Variants in GPLD1 observed in about 807,000 individuals in gnomAD.
GPLD1 encodes the protein glycosylphosphatidylinositol specific phospholipase D1.
Under a neutral mutation model 112.6 loss-of-function variants are expected in GPLD1, and 84 were observed. The observed-to-expected ratio is 0.75, with a 90% CI of 0.63 to 0.89. The LOEUF (loss-of-function observed/expected upper bound fraction) is 0.89. Among genes scored for constraint, GPLD1 ranks in the 40% least tolerant of loss-of-function variants. GPLD1 has a pLI of 0.00. For synonymous variants in GPLD1, 386 were observed against 403.8 expected (o/e 0.96, Z 0.53); for missense variants, 1,044 against 1,051.5 (o/e 0.99, Z 0.10).
At chr6:24,468,619 T>C (rs762979800) in intron 7 of GPLD1, among the ~76,000 whole-genome samples, 1 of 151,756 alleles carries the variant, frequency 6.6e-6, no homozygotes, top group African/African-American at 2.4e-5. Flanking sequence ...AGTGGTGCGA[T>C]ATCGGTTCAC....
exon 1 of GPLD1, chr6:24,495,000 G>C: frequency 7.6e-7 from 1 of 1,319,178 alleles, no homozygotes; most frequent in Admixed American, 3.1e-5. Flanking sequence ...CCGGGCCATG[G>C]CGACCTGCAT....
Position 24,428,961 on chromosome 6 carries a change from A to G in GPLD1, c.*71T>C. ...CTCCACTGGATGTGCCACTTTGTCC[A>G]TCAAAATGCTCACCATGGATGTGAT... On this transcript the variant is annotated 3_prime_UTR_variant, in exon 25 of 25. Coordinates refer to ENST00000230036, the MANE Select transcript of GPLD1 (RefSeq NM_001503.4). The G allele has an allele frequency of 9.3e-7, 1 of 1,076,604 alleles. No homozygotes were observed. The highest frequency in any genetic ancestry group is 2.5e-5 in the East Asian group (1 of 40,346). The allele number at this position is 1,076,604 out of a possible 1,614,324, so 66.7% of individuals were successfully genotyped here. A position where few individuals can be genotyped will look rare whatever the true frequency, so the allele number is the denominator to read the frequency against.
rs1205385348 is a variant in GPLD1 at position 24,437,131 on chromosome 6, G to C, written c.2179C>G (p.Leu727Val). ...RFGGVLHLSD[L>V]DDDGLDEIIM... ...TTCTTACCTAAGCCATCATCATCCA[G>C]GTCACTCAAGTGCAGAACGCCACCA... The change falls in exon 21 of 25, where the codon CTG becomes GTG. Residue 727 changes from leucine to valine, a missense_variant. Coordinates refer to ENST00000230036, the MANE Select transcript of GPLD1 (RefSeq NM_001503.4). 6.2e-7 allele frequency: 1 copy of C among 1,614,020 alleles called. No individual in the cohort carries two copies. Among genetic ancestry groups the C allele is most frequent in the Admixed American group, 1.7e-5 (1 of 60,014 alleles).
chr6:24,479,673 G>A (rs1764137204), intron 3 of GPLD1, among the ~76,000 whole-genome samples: 1 of 152,154 alleles, frequency 6.6e-6, no homozygotes, highest in Non-Finnish European at 1.5e-5. Flanking sequence ...AACTAGGTCA[G>A]TTATAGCTAA....
chr6:24,487,251 C>T (rs1229256811), intron 1 of GPLD1, among the ~76,000 whole-genome samples: 1 of 123,758 alleles, frequency 8.1e-6, no homozygotes, highest in African/African-American at 3.3e-5. Flanking sequence ...ATAATGCTGA[C>T]CTTCCACTCA....
intron 24 of GPLD1, among the ~76,000 whole-genome samples, chr6:24,431,243 C>G (rs1762395676): frequency 6.6e-6 from 1 of 152,194 alleles, no homozygotes; most frequent in African/African-American, 2.4e-5. Flanking sequence ...CTCCTCCCAC[C>G]TTCCACCCTG....
chr6:24,474,323 G>T (rs1009115789), intron 5 of GPLD1, among the ~76,000 whole-genome samples: 3 of 152,142 alleles, frequency 2.0e-5, no homozygotes, highest in Admixed American at 2.0e-4. Context: ...CTAACAGAAT[G>T]TAATTAACAT....
chr6:24,431,112 G>A (rs1486310664), intron 24 of GPLD1, among the ~76,000 whole-genome samples: 2 of 152,002 alleles, frequency 1.3e-5, no homozygotes, highest in Admixed American at 1.3e-4. Context: ...TTCCCATAAA[G>A]TTAATAACCA....
At chr6:24,432,928 CT>C (rs1437478705) in intron 24 of GPLD1, among the ~76,000 whole-genome samples, 1 of 152,196 alleles carries the variant, frequency 6.6e-6, no homozygotes, top group Non-Finnish European at 1.5e-5. Flanking sequence ...CATGAGCTGA[CT>C]TTTTTAGTTC....
intron 1 of GPLD1, among the ~76,000 whole-genome samples, chr6:24,487,348 T>G (rs16889389): frequency 0.19 from 29,208 of 151,638 alleles, 3,108 homozygotes; most frequent in African/African-American, 0.28. Flanking sequence ...AGTTTTGGTC[T>G]TCTTCTATGT....
At position 24,484,307 on chromosome 6, in the gene GPLD1, G is replaced by T. The variant is rs184978316; in HGVS notation, c.153+1768C>A. Among the ~76,000 whole-genome samples the T allele has an allele frequency of 5.4e-4, 81 of 150,564 alleles. No homozygotes were observed. In the East Asian group the frequency reaches 6.1e-3, roughly 11 times the overall value. ...GCTCACTTCAGCCTCTACCTCCCGG[G>T]TTCAAACGATTCCCCGCCTCAGCCT... On this transcript the variant is annotated intron_variant, in intron 2 of 24. Transcript: ENST00000230036.
chr6:24,484,997 C>G (rs1293597614), intron 2 of GPLD1, among the ~76,000 whole-genome samples: 1 of 152,076 alleles, frequency 6.6e-6, no homozygotes, highest in Non-Finnish European at 1.5e-5. Flanking sequence ...TATTATTTAG[C>G]CATAGAACAA....
chr6:24,486,026 T>C lies in GPLD1; in HGVS notation c.153+49A>G, dbSNP rs374161127. On this transcript the variant is annotated intron_variant, in intron 2 of 24. Transcript: ENST00000230036. ...TGTTAGGATCTTTGTTTGGCACCTA[T>C]AAAAGAAAACTAATGCACAAAGAAG... The C allele has an allele frequency of 6.2e-5, 68 of 1,103,166 alleles. No individual in the cohort carries two copies. In the Admixed American group the frequency reaches 1.3e-3, roughly 21 times the overall value. 68.3% of individuals were successfully genotyped at this position (1,103,166 alleles called of 1,614,324 possible).
At chr6:24,477,569 TA>T (rs959965569) in intron 3 of GPLD1, among the ~76,000 whole-genome samples, 1 of 150,696 alleles carries the variant, frequency 6.6e-6, no homozygotes, top group Non-Finnish European at 1.5e-5. Context: ...AATTTAAAAA[TA>T]AAATAAAAAA....
chr6:24,427,461 A>G lies in GPLD1; in HGVS notation c.*1571T>C, dbSNP rs1201728187. Among the ~76,000 whole-genome samples the G allele has an allele frequency of 1.3e-5, 2 of 152,226 alleles. No homozygotes were observed. Among genetic ancestry groups the G allele is most frequent in the South Asian group, 2.1e-4 (1 of 4,836 alleles). On this transcript the variant is annotated 3_prime_UTR_variant, in exon 25 of 25. Transcript: ENST00000230036. ...AGGTGTTAGAACAGCCAACTCTACAAAAGTATTGGAGGGCACAGAAGGGTG... is the reference window on the plus strand; with the variant it reads ...AGGTGTTAGAACAGCCAACTCTACAGAAGTATTGGAGGGCACAGAAGGGTG...
chr6:24,447,025 G>T (rs756409075), intron 17 of GPLD1, 46 bp from the exon 18 acceptor site: 3 of 1,544,680 alleles, frequency 1.9e-6, no homozygotes, highest in South Asian at 1.2e-5. Flanking sequence ...TAAGTGAGAG[G>T]ACTACTGGGA....
At chr6:24,433,965 C>A (rs974268033) in intron 22 of GPLD1, among the ~76,000 whole-genome samples, 30 of 152,170 alleles carry the variant, frequency 2.0e-4, no homozygotes, top group African/African-American at 7.2e-4. Flanking sequence ...AATTGACTAA[C>A]AATGGTTGCC....
At chr6:24,471,972 CTGTT>C (rs1763839542) in intron 7 of GPLD1, among the ~76,000 whole-genome samples, 1 of 151,094 alleles carries the variant, frequency 6.6e-6, no homozygotes, top group African/African-American at 2.5e-5. Context: ...TTAACAAATC[CTGTT>C]TGTCAAGATA....
Position 24,489,578 on chromosome 6 carries a change from C to G in GPLD1, c.-67G>C, listed in dbSNP as rs1391238062. On this transcript the variant is annotated 5_prime_UTR_variant, in exon 1 of 25. Coordinates refer to ENST00000230036, the MANE Select transcript of GPLD1 (RefSeq NM_001503.4). ...TCAGAGCTGCAGCAGCACTGGGACT[C>G]CAAAATCCAGGTGCAGACCCACCGC... 2 of 1,606,074 alleles carry G rather than the reference C, an allele frequency of 1.2e-6. No homozygotes were observed. The highest frequency in any genetic ancestry group is 1.1e-5 in the South Asian group (1 of 90,038).
Sources: gnomAD v4.1 joint callset for allele counts (sites outside exome capture counted in the v4.1 genomes callset) on GRCh38, gnomAD v4.1.1 for gene constraint, MANE v1.5 for transcripts, NCBI Gene and HGNC (gene_info 2026-07-23, HGNC 2026-07-21) for gene names.